PAK5: variants seen among roughly 807,000 people sequenced by gnomAD.
The protein encoded by PAK5 is serine/threonine-protein kinase PAK 5.
In PAK5, 16 loss-of-function variants were observed where a neutral mutation model predicts 65.9. That is an observed-to-expected ratio of 0.24 (90% confidence interval 0.16 to 0.37). The LOEUF is 0.37. Among genes scored for constraint, PAK5 ranks in the 10% least tolerant of loss-of-function variants. PAK5 has a pLI of 1.00. For missense variants in PAK5, 785 were observed against 903.9 expected (o/e 0.87, Z 1.69); for synonymous variants, 371 against 354.9 (o/e 1.05, Z -0.51).
intron 2 of PAK5, among the ~76,000 whole-genome samples, chr20:9,652,435 T>TA (rs562269357): frequency 4.0e-5 from 6 of 151,812 alleles, no homozygotes; most frequent in East Asian, 1.9e-4. Context: ...AGTTGTTTTC[T>TA]AAAAAAAAAT....
At chr20:9,725,130 T>C (rs565483874) in intron 1 of PAK5, among the ~76,000 whole-genome samples, 3 of 152,178 alleles carry the variant, frequency 2.0e-5, no homozygotes, top group Admixed American at 6.6e-5. Flanking sequence ...TGCATATAAC[T>C]GTGCCCTGCA....
At chr20:9,584,405 C>G (rs760069690) in intron 3 of PAK5, among the ~76,000 whole-genome samples, 1 of 152,194 alleles carries the variant, frequency 6.6e-6, no homozygotes, top group Non-Finnish European at 1.5e-5. Context: ...CTCCGCCTCC[C>G]GGGTTCAAGT....
chr20:9,830,930 T>TTTTGG (rs550496057), intron 1 of PAK5, among the ~76,000 whole-genome samples: 106 of 152,230 alleles, frequency 7.0e-4, no homozygotes, highest in African/African-American at 2.5e-3. Context: ...TGTTGTCTTT[T>TTTTGG]TTTGGTTTGG....
At chr20:9,709,038 A>C (rs1428904596) in intron 2 of PAK5, among the ~76,000 whole-genome samples, 1 of 152,070 alleles carries the variant, frequency 6.6e-6, no homozygotes, top group Non-Finnish European at 1.5e-5. Flanking sequence ...AAATCAACCT[A>C]AGGCACCATT....
chr20:9,566,632 C>T (rs1474456094), intron 4 of PAK5, among the ~76,000 whole-genome samples: 1 of 152,054 alleles, frequency 6.6e-6, no homozygotes, highest in Non-Finnish European at 1.5e-5. Flanking sequence ...GCCCTATTTT[C>T]TTGTTCAGTA....
At chr20:9,692,703 T>G (rs1600249364) in intron 2 of PAK5, among the ~76,000 whole-genome samples, 4 of 152,252 alleles carry the variant, frequency 2.6e-5, no homozygotes, top group East Asian at 1.9e-4. Flanking sequence ...TTTGGAAATT[T>G]TGGCATTTTA....
chr20:9,544,559 C>A lies in PAK5; in HGVS notation c.1744-65G>T, dbSNP rs1338975820. The A allele has an allele frequency of 2.1e-6, 3 of 1,458,712 alleles. No homozygotes were observed. The Admixed American group carries it at 5.0e-5, about 25-fold the overall frequency. 90.4% of individuals were successfully genotyped at this position (1,458,712 alleles called of 1,614,324 possible). On this transcript the variant is annotated intron_variant, in intron 7 of 9. Coordinates refer to ENST00000353224, the MANE Select transcript of PAK5 (RefSeq NM_177990.4). ...ACAATGTCTGCTAGACACGAAAATA[C>A]AAACATACAGAGTTTCAAATTTAAA...
intron 1 of PAK5, among the ~76,000 whole-genome samples, chr20:9,770,327 T>G (rs2048819066): frequency 6.6e-6 from 1 of 152,136 alleles, no homozygotes; most frequent in African/African-American, 2.4e-5. Context: ...GGCTTCTATT[T>G]TCTTAAAGAA....
intron 3 of PAK5, among the ~76,000 whole-genome samples, chr20:9,632,985 T>C (rs1396021686): frequency 6.6e-6 from 1 of 152,162 alleles, no homozygotes; most frequent in Non-Finnish European, 1.5e-5. Context: ...CTTGCTTTCC[T>C]TACCCAAAAG....
intron 1 of PAK5, among the ~76,000 whole-genome samples, chr20:9,778,231 A>G (rs2048905868): frequency 1.3e-5 from 2 of 151,984 alleles, no homozygotes; most frequent in African/African-American, 4.8e-5. Flanking sequence ...TTACATTTAG[A>G]GGTTTTTATG....
chr20:9,768,333 C>T (rs189126026), intron 1 of PAK5, among the ~76,000 whole-genome samples: 34 of 152,080 alleles, frequency 2.2e-4, no homozygotes, highest in Admixed American at 3.9e-4. Context: ...ACGATAGACA[C>T]TGTAGACTAT....
intron 4 of PAK5, chr20:9,577,828 C>T (rs1381340839): frequency 6.6e-6 from 1 of 152,092 alleles, no homozygotes; most frequent in Non-Finnish European, 1.5e-5. Context: ...GTAGAAGTTC[C>T]CATGAGTGAT....
At chr20:9,570,093 C>T (rs559885835) in intron 4 of PAK5, among the ~76,000 whole-genome samples, 35 of 152,058 alleles carry the variant, frequency 2.3e-4, no homozygotes, top group African/African-American at 6.8e-4. Flanking sequence ...TTTCCTTATC[C>T]GTAAAATGGA....
At chr20:9,609,347 G>A (rs1206220883) in intron 3 of PAK5, among the ~76,000 whole-genome samples, 3 of 152,164 alleles carry the variant, frequency 2.0e-5, no homozygotes, top group Non-Finnish European at 4.4e-5. Context: ...CTGAGCTAGT[G>A]CCACCACTTT....
intron 1 of PAK5, among the ~76,000 whole-genome samples, chr20:9,737,021 C>A (rs542894097): frequency 2.0e-5 from 3 of 151,786 alleles, no homozygotes; most frequent in Non-Finnish European, 2.9e-5. Context: ...AGAAAAAAAA[C>A]CCATCAATCT....
intron 2 of PAK5, among the ~76,000 whole-genome samples, chr20:9,682,376 A>C (rs2047662363): frequency 6.6e-6 from 1 of 152,002 alleles, no homozygotes; most frequent in African/African-American, 2.4e-5. Flanking sequence ...CAAACAAACA[A>C]AAAAACCTAC....
At chr20:9,679,644 G>T (rs894341591) in intron 2 of PAK5, among the ~76,000 whole-genome samples, 7 of 152,136 alleles carry the variant, frequency 4.6e-5, no homozygotes, top group Non-Finnish European at 8.8e-5. Flanking sequence ...TATAAATAGG[G>T]CAAAACAGTA....
chr20:9,688,049 A>T (rs1232493793), intron 2 of PAK5, among the ~76,000 whole-genome samples: 1 of 151,978 alleles, frequency 6.6e-6, no homozygotes, highest in Non-Finnish European at 1.5e-5. Context: ...TGGGATAAGG[A>T]TGTGCTAAAT....
At chr20:9,692,650 C>T (rs1407572278) in intron 2 of PAK5, among the ~76,000 whole-genome samples, 1 of 152,124 alleles carries the variant, frequency 6.6e-6, no homozygotes, top group Admixed American at 6.5e-5. Flanking sequence ...CTTAAGTATT[C>T]ATGATGCCTT....
Sources: gnomAD v4.1 joint callset for allele counts (sites outside exome capture counted in the v4.1 genomes callset) on GRCh38, gnomAD v4.1.1 for gene constraint, MANE v1.5 for transcripts, NCBI Gene and HGNC (gene_info 2026-07-23, HGNC 2026-07-21) for gene names.